PCDHGA4: variants seen among roughly 807,000 people sequenced by gnomAD.
The protein encoded by PCDHGA4 is protocadherin gamma-A4.
A neutral mutation model predicts 54.6 loss-of-function variants in PCDHGA4; 38 were observed. The observed-to-expected ratio is 0.70, with a 90% CI of 0.54 to 0.91. The LOEUF (loss-of-function observed/expected upper bound fraction) is 0.91. Ranked by LOEUF, PCDHGA4 falls within the 40% of genes least tolerant of loss-of-function variation. The pLI is 0.00. For missense variants in PCDHGA4, 1,298 were observed against 1,220.9 expected (o/e 1.06, Z -0.94); for synonymous variants, 511 against 512.9 (o/e 1.00, Z 0.05).
At chr5:141,470,302 C>A (rs996558051) in intron 1 of PCDHGA4, among the ~76,000 whole-genome samples, 5 of 152,188 alleles carry the variant, frequency 3.3e-5, no homozygotes, top group African/African-American at 1.2e-4. Context: ...GTTTTTATTC[C>A]ATTTTTCCTC....
intron 1 of PCDHGA4, chr5:141,422,041 G>A (rs371079504): frequency 2.1e-5 from 34 of 1,611,632 alleles, no homozygotes; most frequent in Non-Finnish European, 2.9e-5. Flanking sequence ...GGATCCAGAC[G>A]AGGGAATCAA....
chr5:141,497,693 C>T (rs2099778709), intron 2 of PCDHGA4, among the ~76,000 whole-genome samples: 2 of 152,136 alleles, frequency 1.3e-5, no homozygotes, highest in Admixed American at 6.5e-5. Context: ...GTGTGCACCA[C>T]CACACCCAGC....
At position 141,431,178 on chromosome 5, in the gene PCDHGA4, T is replaced by A; in HGVS notation, c.2515-63629T>A. 2 of 1,614,078 alleles carry A rather than the reference T, an allele frequency of 1.2e-6. No individual in the cohort carries two copies. Among genetic ancestry groups the A allele is most frequent in the Non-Finnish European group, 1.7e-6 (2 of 1,180,000 alleles). On this transcript the variant is annotated intron_variant, in intron 1 of 3. Coordinates refer to ENST00000571252, the MANE Select transcript of PCDHGA4 (RefSeq NM_018917.4). This position sits in a 1 kb window ranked among gnomAD's most constrained non-coding sequence, Gnocchi z 4.8. ...TACTTTCGTGAAAGTGAATTAGAAATAAAAATTAGTGAAAATGCAGCCACT... is the reference window on the plus strand; with the variant it reads ...TACTTTCGTGAAAGTGAATTAGAAAAAAAAATTAGTGAAAATGCAGCCACT...
At chr5:141,383,665 C>T (rs1779352748) in intron 1 of PCDHGA4, 2 of 1,613,970 alleles carry the variant, frequency 1.2e-6, no homozygotes, top group Non-Finnish European at 1.7e-6. Flanking sequence ...CGAGAATGTG[C>T]CAGTGGGTAC....
chr5:141,442,798 A>G (rs1055527090), intron 1 of PCDHGA4, among the ~76,000 whole-genome samples: 1 of 152,256 alleles, frequency 6.6e-6, no homozygotes, highest in East Asian at 1.9e-4. Flanking sequence ...TTTTACTTTG[A>G]TATTCAAATT....
At chr5:141,418,328 G>C in intron 1 of PCDHGA4, 1 of 1,614,002 alleles carries the variant, frequency 6.2e-7, no homozygotes. Flanking sequence ...TCTTGAGTCT[G>C]CAGAAGATCC....
Position 141,476,790 on chromosome 5 carries a change from C to T in PCDHGA4, c.2515-18017C>T. ...TTGGACGGAGGGACCCCAGCTCTCT[C>T]CGCCAGCCTGCCTATTCACATCAAG... On this transcript the variant is annotated intron_variant, in intron 1 of 3. Coordinates refer to ENST00000571252, the MANE Select transcript of PCDHGA4 (RefSeq NM_018917.4). This position sits in a 1 kb window ranked among gnomAD's most constrained non-coding sequence, Gnocchi z 7.6. 1 of 1,613,606 alleles carries T rather than the reference C, an allele frequency of 6.2e-7. No homozygotes were observed. Among genetic ancestry groups the T allele is most frequent in the South Asian group, 1.1e-5 (1 of 91,084 alleles).
chr5:141,419,397 T>G (rs1280096838), intron 1 of PCDHGA4: 3 of 1,613,312 alleles, frequency 1.9e-6, no homozygotes. Flanking sequence ...CAGAGCGGGG[T>G]GGTGTTCGCG....
intron 1 of PCDHGA4, among the ~76,000 whole-genome samples, chr5:141,464,221 C>T (rs570804761): frequency 2.9e-4 from 44 of 149,624 alleles, no homozygotes; most frequent in African/African-American, 9.6e-4. Flanking sequence ...GCTGAGATTG[C>T]GCCACTGCAC....
chr5:141,427,930 T>C, intron 1 of PCDHGA4: 2 of 1,583,398 alleles, frequency 1.3e-6, no homozygotes. Flanking sequence ...CGGCGCATGT[T>C]GGTGGGCGAC....
intron 1 of PCDHGA4, among the ~76,000 whole-genome samples, chr5:141,386,902 G>A (rs2090736648): frequency 6.6e-6 from 1 of 152,206 alleles, no homozygotes; most frequent in Non-Finnish European, 1.5e-5. Flanking sequence ...TCAATTCAGA[G>A]GTCACCAAGG....
Position 141,512,423 on chromosome 5 carries a change from T to C in PCDHGA4, c.*1250T>C, listed in dbSNP as rs2099884220. ...GATGGGGCTTCTTCAACAGGGCCCC[T>C]GCCCTCCTGAAGCCTCAGTCCTTCA... is the stretch of plus-strand genomic sequence containing the variant. On this transcript the variant is annotated 3_prime_UTR_variant, in exon 4 of 4. Transcript: ENST00000571252. 1 of 152,754 alleles carries C rather than the reference T, an allele frequency of 6.5e-6. No individual in the cohort carries two copies. The highest frequency in any genetic ancestry group is 6.5e-5 in the Admixed American group (1 of 15,274). The allele number at this position is 152,754 out of a possible 1,614,324, so 9.5% of individuals were successfully genotyped here.
At chr5:141,473,779 T>C (rs2099328680) in intron 1 of PCDHGA4, among the ~76,000 whole-genome samples, 1 of 152,204 alleles carries the variant, frequency 6.6e-6, no homozygotes, top group Non-Finnish European at 1.5e-5. Context: ...GGTATTTTAA[T>C]TCAAGAGCAG....
At chr5:141,389,147 G>C (rs530113846) in intron 1 of PCDHGA4, 120 of 1,613,986 alleles carry the variant, frequency 7.4e-5, no homozygotes, top group Admixed American at 4.8e-4. Flanking sequence ...TAACCGTTAC[G>C]GCAACAGATC....
chr5:141,419,943 C>G (rs2096450865), intron 1 of PCDHGA4: 4 of 1,614,070 alleles, frequency 2.5e-6, no homozygotes, highest in Non-Finnish European at 3.4e-6. Flanking sequence ...CTGGTGGTGG[C>G]CTTGGCCTTG....
In PCDHGA4 at chr5:141,419,577, C is replaced by A. The variant is rs1182305164; in HGVS notation, c.2514+61956C>A. ...CCTGCGCTGGGTCCCGACGGCTCCG[C>A]GCTCTTCGACACAGTGCCGCGGGCC... On this transcript the variant is annotated intron_variant, in intron 1 of 3. Coordinates refer to ENST00000571252, the MANE Select transcript of PCDHGA4 (RefSeq NM_018917.4). 3.1e-6 allele frequency: 5 copies of A among 1,611,732 alleles called. No individual in the cohort carries two copies. The South Asian group carries it at 5.5e-5, about 18-fold the overall frequency.
At chr5:141,394,586 G>A in intron 1 of PCDHGA4, 1 of 1,613,888 alleles carries the variant, frequency 6.2e-7, no homozygotes. Context: ...TGACCAAGGT[G>A]GTGGCGGTGG....
chr5:141,371,501 C>G, intron 1 of PCDHGA4: 1 of 1,613,882 alleles, frequency 6.2e-7, no homozygotes, highest in South Asian at 1.1e-5. Context: ...TTGCCCTGAT[C>G]AAAACACATG....
At chr5:141,403,452 T>C (rs1482278011) in intron 1 of PCDHGA4, 15 of 1,613,988 alleles carry the variant, frequency 9.3e-6, no homozygotes, top group Non-Finnish European at 1.3e-5. Flanking sequence ...GTGAACTCCC[T>C]CCAGAGCTAC....
Sources: allele counts gnomAD v4.1 joint callset (sites outside exome capture counted in the v4.1 genomes callset), GRCh38; gene constraint gnomAD v4.1.1; non-coding constraint Gnocchi (gnomAD v3.1); transcripts MANE v1.5; gene names NCBI Gene and HGNC (gene_info 2026-07-23, HGNC 2026-07-21).